The following DDX46 variants were observed in gnomAD, a reference collection of about 807,000 sequenced individuals.
DDX46 encodes the protein DEAD-box helicase 46, also known as probable ATP-dependent RNA helicase DDX46.
Under a neutral mutation model 134.9 loss-of-function variants are expected in DDX46, and 30 were observed. That is an observed-to-expected ratio of 0.22 (90% CI 0.17 to 0.30). The LOEUF (loss-of-function observed/expected upper bound fraction) is 0.30. Ranked by LOEUF, DDX46 falls within the 10% of genes least tolerant of loss-of-function variation. DDX46 has a pLI of 1.00. For missense variants in DDX46, 622 were observed against 1,248.7 expected (o/e 0.50, Z 7.56); for synonymous variants, 415 against 404.1 (o/e 1.03, Z -0.32).
At chr5:134,762,431 A>T (rs966907738) in intron 1 of DDX46, among the ~76,000 whole-genome samples, 15 of 151,806 alleles carry the variant, frequency 9.9e-5, no homozygotes, top group Non-Finnish European at 1.9e-4. Context: ...AAAGAAATTT[A>T]AAAAAATGAT....
At chr5:134,815,485 G>T (rs1487242555) in intron 18 of DDX46, among the ~76,000 whole-genome samples, 1 of 151,974 alleles carries the variant, frequency 6.6e-6, no homozygotes, top group East Asian at 1.9e-4. Context: ...AAGGTGGGCG[G>T]ATCACGAGGT....
chr5:134,808,427 T>A (rs1561870306), intron 16 of DDX46, among the ~76,000 whole-genome samples: 1 of 152,214 alleles, frequency 6.6e-6, no homozygotes, highest in Non-Finnish European at 1.5e-5. Flanking sequence ...TGTAATTTAC[T>A]GAATACTGTA....
At chr5:134,811,940 G>A in intron 18 of DDX46, 95 bp downstream of exon 18, 2 of 1,448,130 alleles carry the variant, frequency 1.4e-6, no homozygotes, top group African/African-American at 1.4e-5. Flanking sequence ...GACAATCACT[G>A]GAAACCTTTA....
Position 134,811,205 on chromosome 5 carries a change from T to A in DDX46, c.2149-16T>A. ...TTGTTAGTGTCTAATAATTGTACTT[T>A]TTCATCATGCATTAGGGTTATGCTT... is the stretch of plus-strand genomic sequence containing the variant. On this transcript the variant is annotated splice_polypyrimidine_tract_variant and intron_variant, in intron 16 of 22. Coordinates refer to ENST00000452510, the MANE Select transcript of DDX46 (RefSeq NM_001300860.2). 1 of 1,610,766 alleles carries A rather than the reference T, an allele frequency of 6.2e-7. No individual in the cohort carries two copies. The highest frequency in any genetic ancestry group is 8.5e-7 in the Non-Finnish European group (1 of 1,178,176).
chr5:134,770,719 G>A (rs1019620040), intron 3 of DDX46, among the ~76,000 whole-genome samples, 184 bp from the exon 4 acceptor site: 1 of 151,926 alleles, frequency 6.6e-6, no homozygotes, highest in Non-Finnish European at 1.5e-5. Context: ...GTCTGTGACA[G>A]GAGAATCGCT....
At chr5:134,777,941 A>C in intron 6 of DDX46, 1 of 444,174 alleles carries the variant, frequency 2.3e-6, no homozygotes, top group Non-Finnish European at 3.9e-6. Context: ...CCATCAACTT[A>C]GTTTGATATC....
At chr5:134,827,236 C>T (rs1755614034) in intron 22 of DDX46, among the ~76,000 whole-genome samples, 1 of 151,942 alleles carries the variant, frequency 6.6e-6, no homozygotes, top group African/African-American at 2.4e-5. Flanking sequence ...CTATTCATCT[C>T]CCCCCAACAA....
intron 15 of DDX46, among the ~76,000 whole-genome samples, chr5:134,796,540 C>CACA (rs1322852484): frequency 6.6e-6 from 1 of 152,088 alleles, no homozygotes; most frequent in East Asian, 1.9e-4. Context: ...ATAGCAATAT[C>CACA]ACAGTATGTG....
intron 15 of DDX46, among the ~76,000 whole-genome samples, chr5:134,805,587 G>A (rs1188605302): frequency 6.6e-6 from 1 of 150,978 alleles, no homozygotes; most frequent in Non-Finnish European, 1.5e-5. Flanking sequence ...GGAGTGCAGT[G>A]GCATGATCTT....
chr5:134,769,634 G>A (rs1018316475), intron 3 of DDX46, among the ~76,000 whole-genome samples: 3 of 148,924 alleles, frequency 2.0e-5, no homozygotes, highest in Non-Finnish European at 4.4e-5. Context: ...TCCGCCTCCC[G>A]AGTTCAAGTG....
intron 1 of DDX46, among the ~76,000 whole-genome samples, chr5:134,763,116 C>T (rs530696414): frequency 8.2e-4 from 125 of 152,072 alleles, no homozygotes; most frequent in Middle Eastern, 3.4e-3. Flanking sequence ...CCTGAAGTTC[C>T]GGCTTCTTGG....
rs1285848828 is a variant in DDX46, at chr5:134,830,044, A to C, written c.*1338A>C. ...CCTAATATTCTTTTCAAGACTCCTG[A>C]TGTATTAACTTCATGTTATTGTCAC... is the stretch of plus-strand genomic sequence containing the variant. On this transcript the variant is annotated 3_prime_UTR_variant, in exon 23 of 23. Transcript: ENST00000452510. 2 of 151,900 alleles carry C rather than the reference A, an allele frequency of 1.3e-5. No individual in the cohort carries two copies. 9.4% of individuals were successfully genotyped at this position (151,900 alleles called of 1,614,324 possible).
At chr5:134,815,305 C>T (rs1189121122) in intron 18 of DDX46, among the ~76,000 whole-genome samples, 1 of 152,158 alleles carries the variant, frequency 6.6e-6, no homozygotes, top group Non-Finnish European at 1.5e-5. Flanking sequence ...CATTTGAGAT[C>T]TAGAAGATAC....
intron 1 of DDX46, 24 bp downstream of exon 1, chr5:134,758,979 TAGCGGGCG>T: frequency 6.2e-7 from 1 of 1,609,102 alleles, no homozygotes; most frequent in Non-Finnish European, 8.5e-7. Context: ...CCGAGCGGGC[TAGCGGGCG>T]AGCGGCTTCT....
chr5:134,774,996 T>A (rs1753890385), intron 5 of DDX46, among the ~76,000 whole-genome samples: 1 of 152,200 alleles, frequency 6.6e-6, no homozygotes, highest in Non-Finnish European at 1.5e-5. Flanking sequence ...GCCTGGATAA[T>A]TTTTGTATTT....
chr5:134,814,160 T>G (rs1755224316), intron 18 of DDX46, among the ~76,000 whole-genome samples: 1 of 152,184 alleles, frequency 6.6e-6, no homozygotes, highest in African/African-American at 2.4e-5. Context: ...TGTCCTATTT[T>G]ATTGTTGTTA....
chr5:134,788,818 C>T (rs1031254387), intron 12 of DDX46, among the ~76,000 whole-genome samples: 3 of 150,992 alleles, frequency 2.0e-5, no homozygotes, highest in Non-Finnish European at 4.4e-5. Flanking sequence ...CACTGTACTC[C>T]AGCCTGGGTG....
chr5:134,760,427 A>G (rs1366001297), intron 1 of DDX46, among the ~76,000 whole-genome samples: 1 of 152,206 alleles, frequency 6.6e-6, no homozygotes, highest in African/African-American at 2.4e-5. Context: ...GAGAAGTAGT[A>G]GGAGGTAGGT....
chr5:134,772,408 G>C (rs1374808339), intron 4 of DDX46, among the ~76,000 whole-genome samples: 2 of 151,984 alleles, frequency 1.3e-5, no homozygotes, highest in Non-Finnish European at 2.9e-5. Flanking sequence ...TGTAATCCCA[G>C]CTACTCGGGA....
Sources: allele counts gnomAD v4.1 joint callset (sites outside exome capture counted in the v4.1 genomes callset), GRCh38; gene constraint gnomAD v4.1.1; transcripts MANE v1.5; gene names NCBI Gene and HGNC (gene_info 2026-07-23, HGNC 2026-07-21).